Variants in UQCRC2 observed in about 807,000 individuals in gnomAD.
UQCRC2 encodes ubiquinol-cytochrome c reductase core protein 2.
In UQCRC2, 49 loss-of-function variants were observed where a neutral mutation model predicts 55.6. The observed-to-expected ratio is 0.88, with a 90% CI of 0.70 to 1.12. The LOEUF (loss-of-function observed/expected upper bound fraction) is 1.12, where lower values mean the gene tolerates loss of function less well. Ranked by LOEUF, UQCRC2 falls within the 50% of genes most tolerant of loss-of-function variation. The pLI is 0.00. For synonymous variants in UQCRC2, 193 were observed against 192.0 expected (o/e 1.01, Z -0.04); for missense variants, 506 against 547.8 (o/e 0.92, Z 0.76).
intron 4 of UQCRC2, among the ~76,000 whole-genome samples, chr16:21,961,953 C>A (rs1405020773): frequency 6.6e-6 from 1 of 151,814 alleles, no homozygotes; most frequent in Non-Finnish European, 1.5e-5. Context: ...GCGCCCGGCC[C>A]AAATTTATCA....
In UQCRC2 at chr16:21,983,148, A is replaced by ACC; in HGVS notation, c.1340_1341insCC (p.Pro448HisfsTer18). ...GGCAGCAAGTGGAAATTTGGGACAT[A>ACC]CACCTTTTGTTGATGAGTTGTAATA... On this transcript the variant is annotated frameshift_variant, in exon 14 of 14. Transcript: ENST00000268379. LOFTEE classifies it high-confidence loss of function. The ACC allele has an allele frequency of 6.2e-7, 1 of 1,614,134 alleles. No individual in the cohort carries two copies. Among genetic ancestry groups the ACC allele is most frequent in the South Asian group, 1.1e-5 (1 of 91,082 alleles).
chr16:21,955,288 G>GT (rs1216884681), intron 1 of UQCRC2, among the ~76,000 whole-genome samples: 1 of 152,152 alleles, frequency 6.6e-6, no homozygotes, highest in African/African-American at 2.4e-5. Flanking sequence ...AAAGCTAATT[G>GT]TAATTCATAA....
intron 10 of UQCRC2, among the ~76,000 whole-genome samples, chr16:21,972,932 T>G (rs942754420): frequency 2.0e-5 from 3 of 152,114 alleles, no homozygotes; most frequent in Admixed American, 6.5e-5. Flanking sequence ...AAACCCTGTC[T>G]CTACTAAAAA....
chr16:21,981,056 G>C (rs1339545962), intron 13 of UQCRC2, among the ~76,000 whole-genome samples: 1 of 152,162 alleles, frequency 6.6e-6, no homozygotes, highest in Non-Finnish European at 1.5e-5. Context: ...TAGATGACTA[G>C]AAGTAAAGAA....
chr16:21,975,880 C>T (rs1247154291), intron 11 of UQCRC2, among the ~76,000 whole-genome samples: 1 of 152,090 alleles, frequency 6.6e-6, no homozygotes, highest in Non-Finnish European at 1.5e-5. Flanking sequence ...CACTTGAGCC[C>T]ACACATCTCT....
chr16:21,958,973 G>GA (rs982391684), intron 4 of UQCRC2, among the ~76,000 whole-genome samples: 2 of 151,888 alleles, frequency 1.3e-5, no homozygotes, highest in African/African-American at 2.4e-5. Flanking sequence ...TTTTGTCTTG[G>GA]AAAAAAAGTA....
At chr16:21,979,114 C>T (rs1178603111) in intron 12 of UQCRC2, among the ~76,000 whole-genome samples, 2 of 152,164 alleles carry the variant, frequency 1.3e-5, no homozygotes, top group Admixed American at 1.3e-4. Flanking sequence ...AAGGTCAAGA[C>T]TGTGACCTTT....
chr16:21,958,781 ACTGT>A (rs1240925632), intron 4 of UQCRC2, among the ~76,000 whole-genome samples, 182 bp downstream of exon 4: 3 of 152,312 alleles, frequency 2.0e-5, no homozygotes, highest in South Asian at 2.1e-4. Flanking sequence ...AATTTAAGTA[ACTGT>A]CTGGGAGTAG....
chr16:21,962,422 G>C (rs1408667617), intron 4 of UQCRC2, 38 bp from the exon 5 acceptor site: 2 of 1,611,734 alleles, frequency 1.2e-6, no homozygotes, highest in African/African-American at 2.7e-5. Flanking sequence ...TTACTATCCT[G>C]ATTCAGATGA....
At chr16:21,965,226 C>T (rs1235432138) in intron 6 of UQCRC2, among the ~76,000 whole-genome samples, 182 bp from the exon 7 acceptor site, 1 of 152,150 alleles carries the variant, frequency 6.6e-6, no homozygotes, top group Non-Finnish European at 1.5e-5. Flanking sequence ...TTTTTCTCAG[C>T]ACATTCTACT....
chr16:21,957,303 A>G lies in UQCRC2; in HGVS notation c.102A>G (p.Gln34=). Residue 34 remains glutamine (Q), a synonymous_variant, in exon 2 of 14, where the codon CAA becomes CAG. Transcript: ENST00000268379. ...CTGCGCCTGCAGGAGCACCGCCACA[A>G]CCTCAGGACCTTGAGGTTAGTCCCA... ...ATAAPAGAPP[Q]PQDLEFTKLP... 6.2e-7 allele frequency: 1 copy of G among 1,613,914 alleles called. No individual in the cohort carries two copies. The highest frequency in any genetic ancestry group is 8.5e-7 in the Non-Finnish European group (1 of 1,179,990).
At chr16:21,978,062 G>GTAAC (rs1237481435) in intron 12 of UQCRC2, among the ~76,000 whole-genome samples, 1 of 152,170 alleles carries the variant, frequency 6.6e-6, no homozygotes, top group Non-Finnish European at 1.5e-5. Context: ...CTTAATAAGT[G>GTAAC]TAACACAGTT....
At chr16:21,953,778 C>T (rs1898050149) in intron 1 of UQCRC2, among the ~76,000 whole-genome samples, 1 of 152,102 alleles carries the variant, frequency 6.6e-6, no homozygotes, top group Non-Finnish European at 1.5e-5. Context: ...CCAGGGGGAG[C>T]GGGAGGACGG....
chr16:21,957,738 G>T (rs1898113018), intron 3 of UQCRC2, among the ~76,000 whole-genome samples, 172 bp downstream of exon 3: 1 of 152,182 alleles, frequency 6.6e-6, no homozygotes, highest in Admixed American at 6.5e-5. Context: ...AGTTCTAGAG[G>T]CTAGAAGTCC....
intron 12 of UQCRC2, 56 bp from the exon 13 acceptor site, chr16:21,980,490 GA>G (rs141408124): frequency 3.5e-4 from 506 of 1,444,512 alleles, no homozygotes; most frequent in Admixed American, 1.0e-3. Context: ...CCACCACTCA[GA>G]AAAAAAAAAT....
intron 7 of UQCRC2, among the ~76,000 whole-genome samples, chr16:21,966,414 G>A (rs964535029): frequency 6.6e-6 from 1 of 151,986 alleles, no homozygotes; most frequent in Non-Finnish European, 1.5e-5. Context: ...AAATCTACAA[G>A]TGTAGATATG....
chr16:21,971,402 G>A, intron 8 of UQCRC2, 123 bp from the exon 9 acceptor site: 1 of 753,862 alleles, frequency 1.3e-6, no homozygotes, highest in Non-Finnish European at 2.1e-6. Flanking sequence ...ATGGCAGGAA[G>A]ACTCTTATTT....
At chr16:21,961,664 A>ATATATATATATATG (rs1261737606) in intron 4 of UQCRC2, among the ~76,000 whole-genome samples, 4 of 103,986 alleles carry the variant, frequency 3.8e-5, no homozygotes, top group Non-Finnish European at 5.5e-5. Flanking sequence ...ATATATATAT[A>ATATATATATATATG]TATATTTTAG....
At chr16:21,967,800 T>C (rs1898362442) in intron 7 of UQCRC2, among the ~76,000 whole-genome samples, 1 of 152,198 alleles carries the variant, frequency 6.6e-6, no homozygotes, top group Non-Finnish European at 1.5e-5. Context: ...AAAAGCTTTA[T>C]AGAGATTGGC....
Sources: gnomAD v4.1 joint callset for allele counts (sites outside exome capture counted in the v4.1 genomes callset) on GRCh38, gnomAD v4.1.1 for gene constraint, MANE v1.5 for transcripts, NCBI Gene and HGNC (gene_info 2026-07-23, HGNC 2026-07-21) for gene names.